Variants in SP3 observed in about 807,000 individuals in gnomAD.
The protein encoded by SP3 is transcription factor Sp3.
SP3 carries 10 observed loss-of-function variants against 70.3 expected under a neutral mutation model. The observed-to-expected ratio is 0.14, with a 90% confidence interval of 0.09 to 0.24. The LOEUF is 0.24. Among genes scored for constraint, SP3 ranks in the 10% least tolerant of loss-of-function variants. SP3 has a pLI of 1.00. For missense variants in SP3, 825 were observed against 914.6 expected, an observed-to-expected ratio of 0.90 and a Z score of 1.26; for synonymous variants, 402 against 333.5, an observed-to-expected ratio of 1.21 and a Z score of -2.24.
intron 4 of SP3, among the ~76,000 whole-genome samples, chr2:173,919,490 T>C (rs1404620746): frequency 6.6e-6 from 1 of 152,226 alleles, no homozygotes; most frequent in Non-Finnish European, 1.5e-5. Flanking sequence ...TTTTTTTTAC[T>C]GTGCTGTATT....
intron 4 of SP3, among the ~76,000 whole-genome samples, chr2:173,919,755 T>C (rs1301730323): frequency 1.3e-5 from 2 of 152,126 alleles, no homozygotes; most frequent in African/African-American, 2.4e-5. Flanking sequence ...ACAGTGATGG[T>C]AGGTGTGTAG....
At chr2:173,917,297 A>G (rs974790045) in intron 5 of SP3, among the ~76,000 whole-genome samples, 11 of 145,982 alleles carry the variant, frequency 7.5e-5, no homozygotes, top group African/African-American at 2.5e-4. Flanking sequence ...TTAATTGACC[A>G]AAATATGTCA....
At chr2:173,929,738 G>A (rs912174422) in intron 4 of SP3, among the ~76,000 whole-genome samples, 1 of 152,142 alleles carries the variant, frequency 6.6e-6, no homozygotes, top group Non-Finnish European at 1.5e-5. Context: ...ATCTTCTAAC[G>A]CTACAAGTGA....
chr2:173,963,916 CAGGGGG>C, intron 2 of SP3, 33 bp from the exon 3 acceptor site: 2 of 1,419,092 alleles, frequency 1.4e-6, no homozygotes, highest in Non-Finnish European at 1.9e-6. Flanking sequence ...GAGAGGGAGA[CAGGGGG>C]AGGGGGTGGC....
chr2:173,956,278 A>T (rs1262421060), intron 3 of SP3, 46 bp from the exon 4 acceptor site: 1 of 1,516,012 alleles, frequency 6.6e-7, no homozygotes, highest in Admixed American at 2.2e-5. Flanking sequence ...GTATATTTAA[A>T]TCAACCCTCA....
At chr2:173,962,378 G>A (rs1691115690) in intron 3 of SP3, among the ~76,000 whole-genome samples, 1 of 152,134 alleles carries the variant, frequency 6.6e-6, no homozygotes, top group Non-Finnish European at 1.5e-5. Flanking sequence ...AGTTTTTTAA[G>A]ATACAGTCAA....
intron 4 of SP3, among the ~76,000 whole-genome samples, chr2:173,919,888 C>A (rs993169297): frequency 2.0e-5 from 3 of 152,078 alleles, no homozygotes; most frequent in Admixed American, 6.5e-5. Flanking sequence ...ACACTTAACA[C>A]CAAAATACAA....
chr2:173,924,749 G>A (rs1689861580), intron 4 of SP3, among the ~76,000 whole-genome samples: 1 of 152,164 alleles, frequency 6.6e-6, no homozygotes, highest in Non-Finnish European at 1.5e-5. Flanking sequence ...TACCAGGCCA[G>A]TTCATTCATA....
intron 3 of SP3, chr2:173,963,472 G>A (rs1369986684): frequency 6.5e-6 from 1 of 153,114 alleles, no homozygotes; most frequent in African/African-American, 2.4e-5. Flanking sequence ...TTTCAGCACT[G>A]ATATGAATTG....
intron 4 of SP3, among the ~76,000 whole-genome samples, chr2:173,931,594 G>C (rs909052331): frequency 6.6e-6 from 1 of 152,098 alleles, no homozygotes; most frequent in Non-Finnish European, 1.5e-5. Context: ...CTCCCACCTC[G>C]GCCTCCCAAA....
chr2:173,933,041 T>C (rs986591177), intron 4 of SP3, among the ~76,000 whole-genome samples: 2 of 151,928 alleles, frequency 1.3e-5, no homozygotes, highest in Non-Finnish European at 2.9e-5. Flanking sequence ...ATTCCAAGAA[T>C]TGCCAAAATG....
chr2:173,925,078 G>T (rs149726726), intron 4 of SP3, among the ~76,000 whole-genome samples: 1 of 152,156 alleles, frequency 6.6e-6, no homozygotes, highest in Non-Finnish European at 1.5e-5. Flanking sequence ...AGTAGAGACC[G>T]AGTTTCGCCA....
intron 4 of SP3, among the ~76,000 whole-genome samples, chr2:173,953,241 T>C (rs1690770040): frequency 6.6e-6 from 1 of 152,238 alleles, no homozygotes. Flanking sequence ...TGATTTATGC[T>C]AAGACACAAG....
chr2:173,906,110 T>G lies in SP3; in HGVS notation c.*3831A>C, dbSNP rs998514776. Among the ~76,000 whole-genome samples the G allele has an allele frequency of 1.3e-5, 2 of 152,138 alleles. No individual in the cohort carries two copies. The highest frequency in any genetic ancestry group is 1.3e-4 in the Admixed American group (2 of 15,268). On this transcript the variant is annotated 3_prime_UTR_variant, in exon 7 of 7. Coordinates refer to ENST00000310015, the MANE Select transcript of SP3 (RefSeq NM_003111.5). ...AAAAAAAATTCTTCTCTTTTGCAATTTGGCAGCCCCTCTTAAAAATTTTTC... is the reference window on the plus strand; with the variant it reads ...AAAAAAAATTCTTCTCTTTTGCAATGTGGCAGCCCCTCTTAAAAATTTTTC...
intron 5 of SP3, chr2:173,915,988 C>T (rs1192162287): frequency 6.6e-6 from 1 of 151,954 alleles, no homozygotes; most frequent in East Asian, 1.9e-4. Context: ...CAAAAAAAGA[C>T]AAATATTCTA....
chr2:173,923,744 G>A (rs1689826820), intron 4 of SP3, among the ~76,000 whole-genome samples: 1 of 150,126 alleles, frequency 6.7e-6, no homozygotes, highest in Non-Finnish European at 1.5e-5. Context: ...GAAGTAATTT[G>A]ATTCTAAATC....
intron 3 of SP3, among the ~76,000 whole-genome samples, chr2:173,960,422 C>T (rs1574428070): frequency 6.6e-6 from 1 of 152,110 alleles, no homozygotes; most frequent in East Asian, 1.9e-4. Flanking sequence ...GAGGTGGAAA[C>T]AAATTAAGAA....
chr2:173,958,523 T>C (rs1690964731), intron 3 of SP3, among the ~76,000 whole-genome samples: 1 of 151,562 alleles, frequency 6.6e-6, no homozygotes, highest in African/African-American at 2.4e-5. Flanking sequence ...TCCGAACTTT[T>C]CTGAATAAGC....
intron 4 of SP3, among the ~76,000 whole-genome samples, chr2:173,937,230 C>T (rs1306508538): frequency 6.6e-6 from 1 of 152,148 alleles, no homozygotes; most frequent in Non-Finnish European, 1.5e-5. Flanking sequence ...ATGAAAGCAG[C>T]AAAGACATTT....
Sources: gnomAD v4.1 joint callset for allele counts (sites outside exome capture counted in the v4.1 genomes callset) on GRCh38, gnomAD v4.1.1 for gene constraint, MANE v1.5 for transcripts, NCBI Gene and HGNC (gene_info 2026-07-23, HGNC 2026-07-21) for gene names.